The following TRABD2A variants were observed in gnomAD, a reference collection of about 807,000 sequenced individuals.
TRABD2A encodes the protein TraB domain containing 2A, also known as metalloprotease TIKI1.
In TRABD2A, 43 loss-of-function variants were observed where a neutral mutation model predicts 45.6. That is an observed-to-expected ratio of 0.94 (90% CI 0.74 to 1.22). TRABD2A has a LOEUF of 1.22. Ranked by LOEUF, TRABD2A falls within the 50% of genes most tolerant of loss-of-function variation. The pLI, the probability that TRABD2A is intolerant of heterozygous loss-of-function variation, is 0.00. For synonymous variants in TRABD2A, 269 were observed against 265.0 expected, an observed-to-expected ratio of 1.02 and a Z score of -0.15; for missense variants, 642 against 652.4, an observed-to-expected ratio of 0.98 and a Z score of 0.17.
chr2:84,853,123 A>G (rs561101010), intron 2 of TRABD2A, among the ~76,000 whole-genome samples: 5 of 152,172 alleles, frequency 3.3e-5, no homozygotes, highest in African/African-American at 9.6e-5. Flanking sequence ...ATCCAATATG[A>G]CTGCGTCCTT....
intron 2 of TRABD2A, among the ~76,000 whole-genome samples, chr2:84,867,324 T>G (rs1682713360): frequency 6.6e-6 from 1 of 152,210 alleles, no homozygotes; most frequent in Admixed American, 6.5e-5. Flanking sequence ...ATAATTATAG[T>G]GCTCTAAAAT....
intron 2 of TRABD2A, among the ~76,000 whole-genome samples, chr2:84,860,174 C>T (rs918358630): frequency 6.6e-6 from 1 of 152,160 alleles, no homozygotes; most frequent in African/African-American, 2.4e-5. Context: ...AAATCTCCTT[C>T]CTGTCAAAGT....
intron 2 of TRABD2A, among the ~76,000 whole-genome samples, chr2:84,861,085 C>T (rs1016975705): frequency 2.6e-5 from 4 of 152,060 alleles, no homozygotes; most frequent in Non-Finnish European, 4.4e-5. Context: ...GCCTGGCGAT[C>T]GATTTACAGG....
intron 1 of TRABD2A, among the ~76,000 whole-genome samples, chr2:84,878,213 G>A (rs752409826): frequency 6.6e-6 from 1 of 152,146 alleles, no homozygotes; most frequent in Non-Finnish European, 1.5e-5. Context: ...GAATTTCCCA[G>A]GGGGAAGAAA....
At chr2:84,854,044 C>T (rs1166145968) in intron 2 of TRABD2A, among the ~76,000 whole-genome samples, 1 of 148,074 alleles carries the variant, frequency 6.8e-6, no homozygotes, top group Non-Finnish European at 1.5e-5. Context: ...ATTTATATTT[C>T]ATATATTATA....
chr2:84,826,921 G>A (rs1327622889), intron 5 of TRABD2A, among the ~76,000 whole-genome samples: 1 of 152,228 alleles, frequency 6.6e-6, no homozygotes, highest in Non-Finnish European at 1.5e-5. Context: ...AATATAGAGA[G>A]TATAAATTAG....
intron 3 of TRABD2A, 57 bp downstream of exon 3, chr2:84,841,804 G>GT: frequency 6.9e-7 from 1 of 1,439,272 alleles, no homozygotes; most frequent in East Asian, 2.5e-5. Context: ...GCCAGGTAAT[G>GT]TTTTTATTCC....
intron 2 of TRABD2A, among the ~76,000 whole-genome samples, chr2:84,867,205 T>A (rs1297388119): frequency 1.3e-5 from 2 of 152,212 alleles, no homozygotes; most frequent in African/African-American, 4.8e-5. Flanking sequence ...TAAACAACTC[T>A]ACCTTGCTAG....
chr2:84,835,063 T>A (rs1573922283), intron 4 of TRABD2A: 1 of 152,364 alleles, frequency 6.6e-6, no homozygotes. Flanking sequence ...ACTCTCCATC[T>A]TTTTTATTAT....
rs537935350 is a variant in TRABD2A at position 84,839,341 on chromosome 2, GA to G, written c.817-19del. On this transcript the variant is annotated intron_variant, in intron 3 of 6. Transcript: ENST00000409520. ...TTGGGAACCTCCACCAAAATAAAGA[GA>G]AAAAAAAATAAGGGGCAACAGAGTT... is the stretch of plus-strand genomic sequence containing the variant. 1.1e-4 allele frequency: 163 copies of G among 1,531,076 alleles called. No individual in the cohort carries two copies. Among genetic ancestry groups the G allele is most frequent in the African/African-American group, 3.0e-4 (21 of 70,864 alleles). 94.8% of individuals were successfully genotyped at this position (1,531,076 alleles called of 1,614,324 possible). A position where few individuals can be genotyped will look rare whatever the true frequency, so the allele number is the denominator to read the frequency against.
At chr2:84,872,610 G>A (rs1216221606) in intron 1 of TRABD2A, among the ~76,000 whole-genome samples, 1 of 152,204 alleles carries the variant, frequency 6.6e-6, no homozygotes, top group Non-Finnish European at 1.5e-5. Context: ...TTTGACTTCA[G>A]CCTTTTAAGT....
chr2:84,854,418 T>C (rs1324663697), intron 2 of TRABD2A, among the ~76,000 whole-genome samples: 1 of 152,182 alleles, frequency 6.6e-6, no homozygotes, highest in Non-Finnish European at 1.5e-5. Flanking sequence ...TTACAAAGGT[T>C]CTCTATTTAT....
chr2:84,867,521 A>T (rs1029470389), intron 2 of TRABD2A, among the ~76,000 whole-genome samples: 1 of 152,218 alleles, frequency 6.6e-6, no homozygotes, highest in African/African-American at 2.4e-5. Context: ...GGACATAGGC[A>T]TGGGCAAGGA....
rs754720869 is a variant in TRABD2A at position 84,824,108 on chromosome 2, G to A, written c.1179C>T (p.Ser393=). 1 of 1,613,970 alleles carries A rather than the reference G, an allele frequency of 6.2e-7. No individual in the cohort carries two copies. The highest frequency in any genetic ancestry group is 1.1e-5 in the South Asian group (1 of 91,060). Residue 393 remains serine, a synonymous_variant, in exon 6 of 7, where the codon TCC becomes TCT. Coordinates refer to ENST00000409520, the MANE Select transcript of TRABD2A (RefSeq NM_001277053.2). Reference sequence around the variant, plus strand: ...GGGGAGGCAGCGTTGAGTGCCCTGAGGATACGGCTTCTGGTGCCGGTACTT... The same window carrying A: ...GGGGAGGCAGCGTTGAGTGCCCTGAAGATACGGCTTCTGGTGCCGGTACTT... ...TLEVPAPEAV[S]SGHSTLPPLV...
At chr2:84,858,771 TATC>T (rs1682399059) in intron 2 of TRABD2A, among the ~76,000 whole-genome samples, 1 of 152,176 alleles carries the variant, frequency 6.6e-6, no homozygotes, top group Non-Finnish European at 1.5e-5. Context: ...GTGTAACAGT[TATC>T]ATGTCTGCTT....
intron 2 of TRABD2A, among the ~76,000 whole-genome samples, chr2:84,862,815 G>C (rs115959604): frequency 6.6e-6 from 1 of 152,292 alleles, no homozygotes; most frequent in African/African-American, 2.4e-5. Flanking sequence ...CCTGTGCCCA[G>C]GGGGAAGCAG....
intron 4 of TRABD2A, chr2:84,836,640 T>C (rs1194830942): frequency 1.3e-5 from 2 of 152,234 alleles, no homozygotes; most frequent in Admixed American, 1.3e-4. Context: ...TTTCTTTTTT[T>C]CTCTCCTGTC....
intron 2 of TRABD2A, among the ~76,000 whole-genome samples, chr2:84,863,432 C>G (rs7598011): frequency 0.18 from 26,601 of 147,576 alleles, 2,987 homozygotes; most frequent in African/African-American, 0.32. Flanking sequence ...TTTTAGTAGA[C>G]ACGGGGTTTC....
At position 84,831,997 on chromosome 2, in the gene TRABD2A, C is replaced by T; in HGVS notation, c.1082+58G>A. The T allele has an allele frequency of 1.9e-6, 3 of 1,587,356 alleles. No homozygotes were observed. In the South Asian group the frequency reaches 3.3e-5, roughly 18 times the overall value. On this transcript the variant is annotated intron_variant, in intron 5 of 6. Coordinates refer to ENST00000409520, the MANE Select transcript of TRABD2A (RefSeq NM_001277053.2). ...CAAGATAGCAGCCCACCCTGGTGCC[C>T]AGGCAGCCCCATGAGGGTCTCAGCT...
Sources: gnomAD v4.1 joint callset for allele counts (sites outside exome capture counted in the v4.1 genomes callset) on GRCh38, gnomAD v4.1.1 for gene constraint, MANE v1.5 for transcripts, NCBI Gene and HGNC (gene_info 2026-07-23, HGNC 2026-07-21) for gene names.